The following GATA5 variants were observed in gnomAD, a reference collection of about 807,000 sequenced individuals.
GATA5 encodes the protein GATA binding protein 5.
Under a neutral mutation model 35.0 loss-of-function variants are expected in GATA5, and 27 were observed. The ratio of observed to expected loss-of-function variants is 0.77; its 90% CI spans 0.57 to 1.06. The LOEUF (loss-of-function observed/expected upper bound fraction) is 1.06. Among genes scored for constraint, GATA5 ranks in the 50% least tolerant of loss-of-function variants. The pLI is 0.00. For synonymous variants in GATA5, 306 were observed against 267.8 expected, an observed-to-expected ratio of 1.14 and a Z score of -1.39; for missense variants, 612 against 580.0, an observed-to-expected ratio of 1.06 and a Z score of -0.57.
chr20:62,466,013 G>T, intron 4 of GATA5, 92 bp from the exon 5 acceptor site: 1 of 911,028 alleles, frequency 1.1e-6, no homozygotes, highest in South Asian at 1.4e-5. Flanking sequence ...CCCCAGAGCC[G>T]GTCACTCCTG....
At chr20:62,472,706 A>T (rs1989752821) in intron 3 of GATA5, among the ~76,000 whole-genome samples, 2 of 152,372 alleles carry the variant, frequency 1.3e-5, no homozygotes, top group South Asian at 2.1e-4. Context: ...AGCAACTTTC[A>T]GCCTCTTCCA....
In GATA5 at chr20:62,475,151, T is replaced by A; in HGVS notation, c.371A>T (p.Glu124Val). 4.5e-6 allele frequency: 6 copies of A among 1,327,608 alleles called. No individual in the cohort carries two copies. The highest frequency in any genetic ancestry group is 5.8e-6 in the Non-Finnish European group (6 of 1,035,266). 82.2% of individuals were successfully genotyped at this position (1,327,608 alleles called of 1,614,324 possible). A position where few individuals can be genotyped will look rare whatever the true frequency, so the allele number is the denominator to read the frequency against. ...SAYQGALLPR[E>V]QFAAPLGRPV... ...CCGCCCAAGCGGGGCCGCGAACTGTTCTCGAGGCAACAGCGCGCCCTGGTA... is the reference window on the plus strand; with the variant it reads ...CCGCCCAAGCGGGGCCGCGAACTGTACTCGAGGCAACAGCGCGCCCTGGTA... The change falls in exon 2 of 7, where the codon GAA becomes GTA. Residue 124 changes from glutamate (E) to valine (V), a missense_variant. Transcript: ENST00000252997.
At chr20:62,466,266 G>T (rs1555896073) in intron 4 of GATA5, among the ~76,000 whole-genome samples, 160 bp downstream of exon 4, 2 of 152,240 alleles carry the variant, frequency 1.3e-5, no homozygotes, top group Non-Finnish European at 2.9e-5. Context: ...CCCCGGGGGT[G>T]GTGCCGCAGT....
At chr20:62,466,301 A>G in intron 4 of GATA5, 125 bp downstream of exon 4, 1 of 1,159,430 alleles carries the variant, frequency 8.6e-7, no homozygotes, top group Non-Finnish European at 1.2e-6. Flanking sequence ...ATGTGTGTAC[A>G]ACAGCCCAGG....
At position 62,465,912 on chromosome 20, in the gene GATA5, G is replaced by C. The variant is rs1459803034; in HGVS notation, c.835C>G (p.Pro279Ala). The change falls in exon 5 of 7, where the codon CCT (proline) becomes GCT (alanine). Residue 279 changes from proline (P) to alanine (A), a missense_variant. By Grantham distance (27) the Pro-to-Ala change is conservative (BLOSUM62 -1). Transcript: ENST00000252997. ...ATGCTTTCCTTCTTCATAGCCAGAGGCCGCGGCACCTGGCAGGGGTGGCGA... is the reference window on the plus strand; with the variant it reads ...ATGCTTTCCTTCTTCATAGCCAGAGCCCGCGGCACCTGGCAGGGGTGGCGA... ...LYMKLHGVPR[P>A]LAMKKESIQT... 6.3e-7 allele frequency: 1 copy of C among 1,590,980 alleles called. No homozygotes were observed. The highest frequency in any genetic ancestry group is 1.3e-5 in the African/African-American group (1 of 74,518).
At position 62,464,886 on chromosome 20, in the gene GATA5, G is replaced by A. The variant is rs782144120; in HGVS notation, c.1144C>T (p.Leu382Phe). The A allele has an allele frequency of 5.0e-6, 8 of 1,610,632 alleles. No homozygotes were observed. Among genetic ancestry groups the A allele is most frequent in the Middle Eastern group, 1.7e-4 (1 of 5,862 alleles). Residue 382 changes from leucine (L) to phenylalanine (F), a missense_variant, in exon 7 of 7, where the codon CTC becomes TTC. Physicochemically the swap from Leu to Phe is conservative, Grantham distance 22 (BLOSUM62 0). Transcript: ENST00000252997. ...GCCTCTTGGCGCAGAGCCCCCCTGAGGCCAGCCTGGGGGCTTGGGGCCGTG... is the reference window on the plus strand; with the variant it reads ...GCCTCTTGGCGCAGAGCCCCCCTGAAGCCAGCCTGGGGGCTTGGGGCCGTG... ...PSTAPSPQAGLRGALRQEAWC... is the reference protein window; with the variant it reads ...PSTAPSPQAGFRGALRQEAWC...
intron 3 of GATA5, 23 bp from the exon 4 acceptor site, chr20:62,466,574 A>G: frequency 3.2e-6 from 5 of 1,540,670 alleles, no homozygotes; most frequent in Non-Finnish European, 4.4e-6. Flanking sequence ...GGGAGACTGG[A>G]GTGAGCCCCG....
chr20:62,475,614 G>C (rs529753490), intron 1 of GATA5, 72 bp from the exon 2 acceptor site: 1 of 1,038,192 alleles, frequency 9.6e-7, no homozygotes, highest in African/African-American at 1.6e-5. Flanking sequence ...AGCTTATGCC[G>C]GGCAGGTGCC....
chr20:62,471,717 C>A (rs1555896573), intron 3 of GATA5, among the ~76,000 whole-genome samples: 1 of 149,840 alleles, frequency 6.7e-6, no homozygotes, highest in African/African-American at 2.5e-5. Context: ...AGGCATGAGC[C>A]ATTGCACAGG....
intron 6 of GATA5, 34 bp downstream of exon 6, chr20:62,465,306 G>A (rs781886030): frequency 6.4e-7 from 1 of 1,568,676 alleles, no homozygotes; most frequent in East Asian, 2.3e-5. Context: ...AGGGGCCCCA[G>A]CTCTGGGCAC....
Position 62,470,944 on chromosome 20 carries a change from A to G in GATA5, c.699+2459T>C, listed in dbSNP as rs1555896477. 2.0e-5 allele frequency among the ~76,000 whole-genome samples: 3 copies of G among 152,154 alleles called. No individual in the cohort carries two copies. Among genetic ancestry groups the G allele is most frequent in the African/African-American group, 7.2e-5 (3 of 41,438 alleles). ...CAGACCAGGGAATGGAGGCCTCATC[A>G]CGCCAAGGGCCCCCATTAGCCCGTC... On this transcript the variant is annotated intron_variant, in intron 3 of 6. Transcript: ENST00000252997. This position sits in a 1 kb window ranked among gnomAD's most constrained non-coding sequence, Gnocchi z 4.6.
At chr20:62,466,577 G>A in intron 3 of GATA5, 26 bp from the exon 4 acceptor site, 1 of 1,539,684 alleles carries the variant, frequency 6.5e-7, no homozygotes, top group East Asian at 2.5e-5. Flanking sequence ...AGACTGGAGT[G>A]AGCCCCGGGC....
chr20:62,474,383 C>A (rs1057207733), intron 2 of GATA5, among the ~76,000 whole-genome samples: 3 of 152,256 alleles, frequency 2.0e-5, no homozygotes, highest in Non-Finnish European at 2.9e-5. Flanking sequence ...TGCCGCTGCG[C>A]CCGCTTCCTG....
chr20:62,465,563 T>G, intron 5 of GATA5, 99 bp from the exon 6 acceptor site: 25 of 1,457,554 alleles, frequency 1.7e-5, no homozygotes, highest in Non-Finnish European at 2.2e-5. Context: ...CCCAGAGAGG[T>G]TTGGAGACTC....
intron 3 of GATA5, among the ~76,000 whole-genome samples, chr20:62,469,208 T>G (rs1989664918): frequency 6.6e-6 from 1 of 152,240 alleles, no homozygotes; most frequent in Non-Finnish European, 1.5e-5. Context: ...AATTTCTGCC[T>G]AGGTAAATGT....
chr20:62,475,004 G>T lies in GATA5; in HGVS notation c.518C>A (p.Thr173Asn). Residue 173 changes from threonine to asparagine, a missense_variant, in exon 2 of 7, where the codon ACC becomes AAC. Transcript: ENST00000252997. ...TGTGGAGCCCCCGCACTCACCGAAG[G>T]TGGGCCTGCGGCCTGGGAGGCCGTG... ...VLHGLPGRRPTFVSDFLEEFP... is the reference protein window; with the variant it reads ...VLHGLPGRRPNFVSDFLEEFP... 2 of 1,338,106 alleles carry T rather than the reference G, an allele frequency of 1.5e-6. No individual in the cohort carries two copies. The highest frequency in any genetic ancestry group is 1.9e-5 in the South Asian group (1 of 53,884). The allele number at this position is 1,338,106 out of a possible 1,614,324, so 82.9% of individuals were successfully genotyped here.
Position 62,475,047 on chromosome 20 carries a change from A to G in GATA5, c.475T>C (p.Phe159Leu). The change falls in exon 2 of 7, where the codon TTC becomes CTC. Residue 159 changes from phenylalanine (F) to leucine (L), a missense_variant. Transcript: ENST00000252997. ...AGGCCGTGCAGGACGCTGCCATCGA[A>G]GGGCCCGGCAGTCCAGGACTGGGCC... ...DVAQSWTAGP[F>L]DGSVLHGLPG... The G allele has an allele frequency of 1.4e-6, 2 of 1,407,020 alleles. No individual in the cohort carries two copies. Among genetic ancestry groups the G allele is most frequent in the Non-Finnish European group, 1.9e-6 (2 of 1,074,846 alleles). 87.2% of individuals were successfully genotyped at this position (1,407,020 alleles called of 1,614,324 possible). A position where few individuals can be genotyped will look rare whatever the true frequency, so the allele number is the denominator to read the frequency against.
At chr20:62,472,671 T>G (rs1989751844) in intron 3 of GATA5, among the ~76,000 whole-genome samples, 1 of 152,194 alleles carries the variant, frequency 6.6e-6, no homozygotes, top group Admixed American at 6.5e-5. Flanking sequence ...AAGTAAAGGT[T>G]TGCCTGGGGA....
intron 4 of GATA5, among the ~76,000 whole-genome samples, 161 bp from the exon 5 acceptor site, chr20:62,466,082 G>T (rs1382021510): frequency 6.6e-6 from 1 of 152,198 alleles, no homozygotes; most frequent in Non-Finnish European, 1.5e-5. Flanking sequence ...TGGGTGAGGG[G>T]GAGCCCGTGG....
Sources: allele counts gnomAD v4.1 joint callset (sites outside exome capture counted in the v4.1 genomes callset), GRCh38; gene constraint gnomAD v4.1.1; non-coding constraint Gnocchi (gnomAD v3.1); transcripts MANE v1.5; gene names NCBI Gene and HGNC (gene_info 2026-07-23, HGNC 2026-07-21).